The following AGBL4 variants were observed in gnomAD, a reference collection of about 807,000 sequenced individuals.
The protein encoded by AGBL4 is AGBL carboxypeptidase 4.
Under a neutral mutation model 66.4 loss-of-function variants are expected in AGBL4, and 58 were observed. That is an observed-to-expected ratio of 0.87 (90% CI 0.71 to 1.09). AGBL4 has a LOEUF of 1.09. AGBL4 is among the 50% of genes least tolerant of loss of function. The probability of loss-of-function intolerance (pLI) is 0.00; values close to 1 mark genes in which losing one functional copy is unlikely to be tolerated. For synonymous variants in AGBL4, 234 were observed against 222.9 expected, an observed-to-expected ratio of 1.05 and a Z score of -0.44; for missense variants, 579 against 631.0, an observed-to-expected ratio of 0.92 and a Z score of 0.88.
At chr1:49,877,314 T>C (rs1647045259) in intron 1 of AGBL4, among the ~76,000 whole-genome samples, 1 of 151,662 alleles carries the variant, frequency 6.6e-6, no homozygotes, top group Non-Finnish European at 1.5e-5. Context: ...ATAGCTCTTA[T>C]TATTTTGAAA....
Position 49,962,486 on chromosome 1 carries a change from C to A in AGBL4, c.34+61277G>T, listed in dbSNP as rs12031971. 8.1e-3 allele frequency among the ~76,000 whole-genome samples: 1,237 copies of A among 152,188 alleles called. 9 individuals are homozygous for A. The highest frequency in any genetic ancestry group is 0.031 in the Middle Eastern group (9 of 294). On this transcript the variant is annotated intron_variant, in intron 1 of 13. Transcript: ENST00000371839. ...TGCTTCATGATAAATTACTTCTGAGCAAGCCCAGGTCATCTGCATGAAGTT... is the reference window on the plus strand; with the variant it reads ...TGCTTCATGATAAATTACTTCTGAGAAAGCCCAGGTCATCTGCATGAAGTT...
chr1:49,335,147 C>T (rs1305179802), intron 3 of AGBL4, among the ~76,000 whole-genome samples: 1 of 152,184 alleles, frequency 6.6e-6, no homozygotes, highest in Non-Finnish European at 1.5e-5. Context: ...CTGCTTCTCC[C>T]ACAGCCTTCT....
chr1:48,680,327 T>C (rs755200904), intron 6 of AGBL4, among the ~76,000 whole-genome samples: 1 of 152,228 alleles, frequency 6.6e-6, no homozygotes, highest in African/African-American at 2.4e-5. Context: ...TCGTGTCCGT[T>C]ACCTTGCAAA....
intron 4 of AGBL4, among the ~76,000 whole-genome samples, chr1:49,210,625 G>A (rs1209938421): frequency 1.3e-5 from 2 of 151,958 alleles, no homozygotes; most frequent in African/African-American, 2.4e-5. Flanking sequence ...ACTTGAAAAT[G>A]CGTTAATCAT....
intron 4 of AGBL4, among the ~76,000 whole-genome samples, chr1:49,060,785 C>T (rs1231884124): frequency 1.3e-5 from 2 of 152,130 alleles, no homozygotes; most frequent in African/African-American, 4.8e-5. Context: ...GACCCCTGTC[C>T]TCCCTCCACT....
intron 3 of AGBL4, among the ~76,000 whole-genome samples, chr1:49,270,453 T>TC (rs1557788412): frequency 6.6e-6 from 1 of 152,040 alleles, no homozygotes; most frequent in East Asian, 1.9e-4. Flanking sequence ...TTTTTTTTTT[T>TC]CTCAACCTTT....
intron 1 of AGBL4, among the ~76,000 whole-genome samples, chr1:49,935,648 G>T (rs1653913760): frequency 6.6e-6 from 1 of 152,110 alleles, no homozygotes; most frequent in African/African-American, 2.4e-5. Context: ...ACTTCCACAG[G>T]AACTATCAGA....
At chr1:49,389,239 C>G (rs890802972) in intron 3 of AGBL4, among the ~76,000 whole-genome samples, 3 of 151,760 alleles carry the variant, frequency 2.0e-5, no homozygotes, top group Non-Finnish European at 4.4e-5. Flanking sequence ...CATCTGCCAT[C>G]AATTTTTTTT....
At chr1:48,889,211 C>A (rs1446410159) in intron 5 of AGBL4, among the ~76,000 whole-genome samples, 1 of 152,238 alleles carries the variant, frequency 6.6e-6, no homozygotes, top group East Asian at 1.9e-4. Context: ...CCCTCCAAGG[C>A]ACAATGACTG....
intron 3 of AGBL4, among the ~76,000 whole-genome samples, chr1:49,413,808 T>C (rs1645369853): frequency 6.6e-6 from 1 of 152,104 alleles, no homozygotes; most frequent in Non-Finnish European, 1.5e-5. Context: ...GACTTTGAAA[T>C]CGGGGAAATC....
At chr1:49,245,045 A>G (rs1047837040) in intron 4 of AGBL4, among the ~76,000 whole-genome samples, 1 of 151,762 alleles carries the variant, frequency 6.6e-6, no homozygotes, top group Non-Finnish European at 1.5e-5. Context: ...TTCATCTGTA[A>G]TATAGGGATA....
At chr1:50,015,284 T>C (rs1263376762) in intron 1 of AGBL4, among the ~76,000 whole-genome samples, 1 of 152,330 alleles carries the variant, frequency 6.6e-6, no homozygotes, top group South Asian at 2.1e-4. Flanking sequence ...TACAACTCTA[T>C]GTTGCCTGAA....
At chr1:48,893,211 A>C (rs3127562) in intron 5 of AGBL4, among the ~76,000 whole-genome samples, 54,040 of 151,878 alleles carry the variant, frequency 0.36, 10,219 homozygotes, top group East Asian at 0.71. Flanking sequence ...GGTAGAGGAG[A>C]GAATCTACCA....
intron 6 of AGBL4, among the ~76,000 whole-genome samples, chr1:48,830,514 C>A (rs1482806727): frequency 2.0e-5 from 3 of 152,298 alleles, no homozygotes; most frequent in East Asian, 1.9e-4. Context: ...GTCAGGGGAC[C>A]AATTCCCCCG....
intron 3 of AGBL4, among the ~76,000 whole-genome samples, chr1:49,627,356 G>C (rs1403345496): frequency 6.6e-6 from 1 of 152,018 alleles, no homozygotes; most frequent in Non-Finnish European, 1.5e-5. Context: ...GCACTAAATA[G>C]TGCAGTAGGC....
chr1:48,773,262 A>G (rs925614508), intron 6 of AGBL4, among the ~76,000 whole-genome samples: 3 of 152,118 alleles, frequency 2.0e-5, no homozygotes, highest in African/African-American at 7.2e-5. Context: ...AAAAAAAATA[A>G]AATTCAACAC....
intron 5 of AGBL4, among the ~76,000 whole-genome samples, chr1:48,911,660 G>A (rs2148881722): frequency 6.6e-6 from 1 of 151,742 alleles, no homozygotes; most frequent in East Asian, 1.9e-4. Flanking sequence ...CAACTTATAG[G>A]TTATTGAAAG....
intron 3 of AGBL4, among the ~76,000 whole-genome samples, chr1:49,331,899 A>C (rs1426468034): frequency 6.6e-6 from 1 of 152,118 alleles, no homozygotes; most frequent in Non-Finnish European, 1.5e-5. Flanking sequence ...TATTCTAGAC[A>C]TAGCTCTGAT....
chr1:48,800,139 T>G (rs563653473), intron 6 of AGBL4, among the ~76,000 whole-genome samples: 1 of 152,340 alleles, frequency 6.6e-6, no homozygotes, highest in African/African-American at 2.4e-5. Context: ...GGACATTTTT[T>G]TGTTGGCAAT....
Sources: gnomAD v4.1 joint callset for allele counts (sites outside exome capture counted in the v4.1 genomes callset) on GRCh38, gnomAD v4.1.1 for gene constraint, MANE v1.5 for transcripts, NCBI Gene and HGNC (gene_info 2026-07-23, HGNC 2026-07-21) for gene names.